The following CFAP70 variants were observed in gnomAD, a reference collection of about 807,000 sequenced individuals.
CFAP70 encodes cilia- and flagella-associated protein 70.
A neutral mutation model predicts 137.6 loss-of-function variants in CFAP70; 81 were observed. The observed-to-expected ratio is 0.59, with a 90% CI of 0.49 to 0.71. The LOEUF is 0.71. Among genes scored for constraint, CFAP70 ranks in the 30% least tolerant of loss-of-function variants. The pLI, the probability that CFAP70 is intolerant of heterozygous loss-of-function variation, is 0.00. For missense variants in CFAP70, 976 were observed against 1,226.7 expected, an observed-to-expected ratio of 0.80 and a Z score of 3.05; for synonymous variants, 382 against 423.6, an observed-to-expected ratio of 0.90 and a Z score of 1.20.
At chr10:73,341,518 G>A in exon 6 of CFAP70, 3 of 1,614,150 alleles carry the variant, frequency 1.9e-6, no homozygotes, top group Non-Finnish European at 2.5e-6. Flanking sequence ...TTGGGCCGGG[G>A]AACAGGTTCC....
intron 7 of CFAP70, among the ~76,000 whole-genome samples, chr10:73,334,431 G>A (rs543374575): frequency 6.6e-6 from 1 of 152,260 alleles, no homozygotes; most frequent in South Asian, 2.1e-4. Flanking sequence ...CCAGAAATGT[G>A]AGCGTGCAAG....
chr10:73,299,462 A>G (rs1191929300), intron 13 of CFAP70, 143 bp downstream of exon 14: 1 of 675,654 alleles, frequency 1.5e-6, no homozygotes, highest in Non-Finnish European at 2.5e-6. Flanking sequence ...ATTGATCACA[A>G]ATGGAACCAG....
At chr10:73,262,764 T>C (rs775976459) in intron 25 of CFAP70, among the ~76,000 whole-genome samples, 2 of 152,104 alleles carry the variant, frequency 1.3e-5, no homozygotes, top group African/African-American at 2.4e-5. Flanking sequence ...AACATATCCC[T>C]GGGGAACAAG....
At chr10:73,348,209 G>C in intron 4 of CFAP70, 1 of 1,614,196 alleles carries the variant, frequency 6.2e-7, no homozygotes, top group Non-Finnish European at 8.5e-7. Flanking sequence ...GGGTGCAATG[G>C]AACTGTTGTT....
chr10:73,343,708 C>T (rs1296797251), intron 5 of CFAP70, among the ~76,000 whole-genome samples: 1 of 152,030 alleles, frequency 6.6e-6, no homozygotes, highest in Non-Finnish European at 1.5e-5. Context: ...GACTCCATCT[C>T]CATCTCCAAA....
intron 19 of CFAP70, among the ~76,000 whole-genome samples, chr10:73,284,120 C>A (rs2047464253): frequency 6.6e-6 from 1 of 152,190 alleles, no homozygotes; most frequent in South Asian, 2.1e-4. Flanking sequence ...TTTGACAGGG[C>A]TAGCTCCTTC....
chr10:73,355,386 T>C (rs1475414726), intron 1 of CFAP70, among the ~76,000 whole-genome samples: 1 of 152,184 alleles, frequency 6.6e-6, no homozygotes, highest in Non-Finnish European at 1.5e-5. Flanking sequence ...AATGCCTGAT[T>C]TGTCACTGTC....
At chr10:73,358,527 C>G (rs1318862936) in intron 1 of CFAP70, among the ~76,000 whole-genome samples, 1 of 152,206 alleles carries the variant, frequency 6.6e-6, no homozygotes, top group Non-Finnish European at 1.5e-5. Flanking sequence ...TGGAGGTCGC[C>G]GGGCTGGGGT....
intron 8 of CFAP70, among the ~76,000 whole-genome samples, chr10:73,323,837 G>T (rs999285503): frequency 2.0e-5 from 3 of 152,226 alleles, no homozygotes; most frequent in Admixed American, 1.3e-4. Context: ...CTCCAACTGG[G>T]TGGAGCCCAC....
Position 73,275,323 on chromosome 10 carries a change from A to G in CFAP70, c.2673+123T>C. The G allele has an allele frequency of 8.7e-7, 1 of 1,143,456 alleles. No individual in the cohort carries two copies. Among genetic ancestry groups the G allele is most frequent in the Non-Finnish European group, 1.2e-6 (1 of 813,506 alleles). The allele number at this position is 1,143,456 out of a possible 1,614,324, so 70.8% of individuals were successfully genotyped here. On this transcript the variant is annotated intron_variant, in intron 22 of 26. Coordinates refer to ENST00000310715, the Ensembl canonical transcript of CFAP70. This position sits in a 1 kb window ranked among gnomAD's most constrained non-coding sequence, Gnocchi z 4.0. ...AAAGCAAATGGAAGGGTATAGAGAG[A>G]TGAGTTTACTGACAGCTGATGACCA...
chr10:73,353,504 G>C, intron 3 of CFAP70, 52 bp downstream of exon 3: 1 of 1,513,782 alleles, frequency 6.6e-7, no homozygotes, highest in Non-Finnish European at 9.1e-7. Flanking sequence ...CATCCAACAT[G>C]ATAGGGAAGA....
intron 19 of CFAP70, among the ~76,000 whole-genome samples, chr10:73,278,614 AT>A (rs1405282031): frequency 2.6e-5 from 4 of 152,252 alleles, no homozygotes; most frequent in African/African-American, 9.6e-5. Flanking sequence ...TATTAAAAAA[AT>A]AAATAAATCT....
intron 19 of CFAP70, among the ~76,000 whole-genome samples, chr10:73,285,635 C>CT (rs769793433): frequency 0.032 from 4,414 of 136,874 alleles, 214 homozygotes; most frequent in African/African-American, 0.094. Flanking sequence ...ACTATATTTT[C>CT]TTTTTTTTTT....
chr10:73,312,416 G>T, intron 10 of CFAP70, 57 bp downstream of exon 11: 1 of 1,286,916 alleles, frequency 7.8e-7, no homozygotes. Flanking sequence ...TGAGAAATCA[G>T]TGAAGCCTCT....
intron 25 of CFAP70, among the ~76,000 whole-genome samples, chr10:73,256,881 C>T (rs1171852891): frequency 8.6e-6 from 1 of 116,334 alleles, no homozygotes; most frequent in Non-Finnish European, 1.6e-5. Flanking sequence ...CCATCCTGGG[C>T]AACAGAGTGA....
intron 24 of CFAP70, 21 bp downstream of exon 25, chr10:73,272,907 C>T (rs1252346027): frequency 3.9e-6 from 6 of 1,549,382 alleles, no homozygotes; most frequent in Non-Finnish European, 3.5e-6. Flanking sequence ...CAGCCCTAGT[C>T]TCAAGCCTTC....
intron 25 of CFAP70, among the ~76,000 whole-genome samples, chr10:73,268,235 T>C (rs1156922598): frequency 6.6e-6 from 1 of 152,244 alleles, no homozygotes; most frequent in East Asian, 1.9e-4. Context: ...TCACAAGGTT[T>C]CTTCATTGAC....
Position 73,275,342 on chromosome 10 carries a change from A to G in CFAP70, c.2673+104T>C, listed in dbSNP as rs1016283998. 2 of 1,325,744 alleles carry G rather than the reference A, an allele frequency of 1.5e-6. No individual in the cohort carries two copies. Among genetic ancestry groups the G allele is most frequent in the Admixed American group, 2.4e-5 (1 of 41,106 alleles). The allele number at this position is 1,325,744 out of a possible 1,614,324, so 82.1% of individuals were successfully genotyped here. ...AGAGAGATGAGTTTACTGACAGCTG[A>G]TGACCACCCTTCTGTTCACCAGAAA... On this transcript the variant is annotated intron_variant, in intron 22 of 26. Transcript: ENST00000310715. This position sits in a 1 kb window ranked among gnomAD's most constrained non-coding sequence, Gnocchi z 4.0.
At chr10:73,297,854 T>C (rs2048654990) in intron 14 of CFAP70, among the ~76,000 whole-genome samples, 1 of 152,198 alleles carries the variant, frequency 6.6e-6, no homozygotes, top group Non-Finnish European at 1.5e-5. Context: ...TCATCCCTGT[T>C]GTTAGGTAAA....
Sources: allele counts gnomAD v4.1 joint callset (sites outside exome capture counted in the v4.1 genomes callset), GRCh38; gene constraint gnomAD v4.1.1; non-coding constraint Gnocchi (gnomAD v3.1); transcripts MANE v1.5; gene names NCBI Gene and HGNC (gene_info 2026-07-23, HGNC 2026-07-21).